Variants in MYL4 observed in about 807,000 individuals in gnomAD.
The protein encoded by MYL4 is myosin light chain 4.
A neutral mutation model predicts 21.6 loss-of-function variants in MYL4; 16 were observed. That is an observed-to-expected ratio of 0.74 (90% CI 0.50 to 1.12). The LOEUF is 1.12. Among genes scored for constraint, MYL4 ranks in the 50% most tolerant of loss-of-function variants. MYL4 has a pLI of 0.00. For synonymous variants in MYL4, 82 were observed against 95.7 expected (o/e 0.86, Z 0.83); for missense variants, 249 against 252.9 (o/e 0.98, Z 0.11).
upstream of MYL4, among the ~76,000 whole-genome samples, chr17:47,198,261 T>G (rs1364199423): frequency 6.6e-6 from 1 of 152,178 alleles, no homozygotes; most frequent in Non-Finnish European, 1.5e-5. Context: ...TCTTATCCAA[T>G]TCCTTGACCT....
chr17:47,189,464 C>G, the MYL4 span: 2 of 510,332 alleles, frequency 3.9e-6, no homozygotes. Flanking sequence ...CCGAGTCTGA[C>G]CCAAAGCGTA....
In MYL4 at chr17:47,221,760, C is replaced by T. The variant is rs2149048719; in HGVS notation, c.392C>T (p.Thr131Ile). 3.7e-6 allele frequency: 6 copies of T among 1,614,158 alleles called. No homozygotes were observed. Among genetic ancestry groups the T allele is most frequent in the Non-Finnish European group, 5.1e-6 (6 of 1,180,030 alleles). ...ATTTCCCGCAACAAGGAGCAGGGCACCTATGAGGACTTCGTGGAGGGCCTG... is the reference window on the plus strand; with the variant it reads ...ATTTCCCGCAACAAGGAGCAGGGCATCTATGAGGACTTCGTGGAGGGCCTG... ...QHISRNKEQGTYEDFVEGLRV... is the reference protein window; with the variant it reads ...QHISRNKEQGIYEDFVEGLRV... Residue 131 changes from threonine to isoleucine, a missense_variant, in exon 4 of 7, where the codon ACC becomes ATC. Coordinates refer to ENST00000393450, the MANE Select transcript of MYL4 (RefSeq NM_002476.2).
chr17:47,209,376 G>A lies in MYL4; in HGVS notation c.-47G>A, dbSNP rs369748183. On this transcript the variant is annotated 5_prime_UTR_variant, in exon 1 of 7. Coordinates refer to ENST00000393450, the MANE Select transcript of MYL4 (RefSeq NM_002476.2). ...TCATCTCCCAGACGCCACGTCTCTC[G>A]GTTTCTTCTTAGATCACTCCTCTGC... is the stretch of plus-strand genomic sequence containing the variant. The A allele has an allele frequency of 3.2e-5, 51 of 1,613,512 alleles. No homozygotes were observed. Among genetic ancestry groups the A allele is most frequent in the African/African-American group, 2.5e-4 (19 of 74,924 alleles).
the MYL4 span, among the ~76,000 whole-genome samples, chr17:47,194,010 A>G: frequency 6.6e-6 from 1 of 152,214 alleles, no homozygotes; most frequent in African/African-American, 2.4e-5. Flanking sequence ...TTGGCCTCCC[A>G]AAGTGCTGGG....
intron 6 of MYL4, 197 bp from the exon 7 acceptor site, chr17:47,223,312 C>T: frequency 2.1e-6 from 1 of 486,718 alleles, no homozygotes; most frequent in Non-Finnish European, 3.6e-6. Flanking sequence ...GCCCTTCCCT[C>T]AGGCCTGGGG....
chr17:47,191,000 T>G, the MYL4 span, among the ~76,000 whole-genome samples: 31 of 152,340 alleles, frequency 2.0e-4, no homozygotes, highest in Non-Finnish European at 3.5e-4. Context: ...CTTCATTTCT[T>G]CTCTGCATGA....
In MYL4 at chr17:47,223,002, C is replaced by T; in HGVS notation, c.566-12C>T. On this transcript the variant is annotated splice_polypyrimidine_tract_variant and intron_variant, in intron 5 of 6. Coordinates refer to ENST00000393450, the MANE Select transcript of MYL4 (RefSeq NM_002476.2). The stretch of plus-strand genomic sequence containing the variant: ...TGAGCCACATGGTGGCTGATTTTCA[C>T]TTTTTTCCTAGCCTTTGTCAAGCAC... 1.2e-6 allele frequency: 2 copies of T among 1,614,110 alleles called. No homozygotes were observed. The highest frequency in any genetic ancestry group is 1.7e-6 in the Non-Finnish European group (2 of 1,179,992).
In MYL4 at chr17:47,219,913, A is replaced by G; in HGVS notation, c.173A>G (p.Glu58Gly). The part of the protein sequence containing the change: ...FTADQIEEFK[E>G]AFSLFDRTPT... ...GGTCTTCTCTCCACAGAGTTCAAAGAGGCCTTTTCATTGTTTGACCGGACC... is the reference window on the plus strand; with the variant it reads ...GGTCTTCTCTCCACAGAGTTCAAAGGGGCCTTTTCATTGTTTGACCGGACC... The change falls in exon 3 of 7, where the codon GAG becomes GGG. Residue 58 changes from glutamate to glycine, a missense_variant. Glu to Gly is a moderately conservative substitution (Grantham distance 98, BLOSUM62 -2). Transcript: ENST00000393450. 6.2e-7 allele frequency: 1 copy of G among 1,614,218 alleles called. No homozygotes were observed. Among genetic ancestry groups the G allele is most frequent in the South Asian group, 1.1e-5 (1 of 91,086 alleles).
chr17:47,214,247 C>T (rs1012876282), intron 2 of MYL4, among the ~76,000 whole-genome samples: 1 of 152,096 alleles, frequency 6.6e-6, no homozygotes, highest in Middle Eastern at 3.2e-3. Flanking sequence ...TTTTTCTTGG[C>T]CCCAAAGATC....
chr17:47,193,336 C>T, the MYL4 span, among the ~76,000 whole-genome samples: 1 of 152,074 alleles, frequency 6.6e-6, no homozygotes, highest in Admixed American at 6.6e-5. Context: ...GGCGCTATCT[C>T]GGCTCACTGC....
chr17:47,198,878 T>C (rs2064699067), upstream of MYL4, among the ~76,000 whole-genome samples: 1 of 152,026 alleles, frequency 6.6e-6, no homozygotes, highest in Non-Finnish European at 1.5e-5. Context: ...CTTAGCTACT[T>C]GGGAGGCTGA....
chr17:47,216,699 C>T (rs1964761), intron 2 of MYL4, among the ~76,000 whole-genome samples: 96,888 of 145,510 alleles, frequency 0.67, 32,369 homozygotes, highest in East Asian at 0.86. Context: ...CTTTTTCTTT[C>T]TTTTTTTTTT....
intron 2 of MYL4, among the ~76,000 whole-genome samples, chr17:47,218,097 A>T (rs2064828936): frequency 6.6e-6 from 1 of 152,078 alleles, no homozygotes; most frequent in African/African-American, 2.4e-5. Flanking sequence ...TGTAGGTACC[A>T]TTTATAGAAG....
Position 47,222,392 on chromosome 17 carries a change from CTG to C in MYL4, c.501_502del (p.Glu168GlyfsTer2). ...AAACCCACCGCAGGAGAGAAGATGA[CTG>C]AGGCTGAAGTGGAGCAGCTGTTAGC... is the stretch of plus-strand genomic sequence containing the variant. On this transcript the variant is annotated frameshift_variant, in exon 5 of 7. Coordinates refer to ENST00000393450, the MANE Select transcript of MYL4 (RefSeq NM_002476.2). LOFTEE classifies it high-confidence loss of function. The C allele has an allele frequency of 6.2e-7, 1 of 1,614,162 alleles. No homozygotes were observed. The highest frequency in any genetic ancestry group is 8.5e-7 in the Non-Finnish European group (1 of 1,180,022).
At chr17:47,206,161 A>C (rs2064727456), upstream of MYL4, among the ~76,000 whole-genome samples, 1 of 152,186 alleles carries the variant, frequency 6.6e-6, no homozygotes, top group Admixed American at 6.5e-5. Flanking sequence ...GAAAGTGGCA[A>C]AACCAGGCTT....
At chr17:47,194,703 C>T in the MYL4 span, among the ~76,000 whole-genome samples, 5 of 152,040 alleles carry the variant, frequency 3.3e-5, no homozygotes, top group Admixed American at 6.6e-5. Context: ...TAGTAGCTGC[C>T]TCTTTATTCA....
chr17:47,209,246 T>G (rs2149040553), upstream of MYL4: 186 of 778,736 alleles, frequency 2.4e-4, no homozygotes, highest in Middle Eastern at 8.1e-4. Context: ...CTGCTGGCGT[T>G]TCTTCCTTTT....
intron 2 of MYL4, among the ~76,000 whole-genome samples, chr17:47,216,454 A>G (rs1301279619): frequency 6.6e-6 from 1 of 151,788 alleles, no homozygotes; most frequent in Non-Finnish European, 1.5e-5. Context: ...CTTCCTCCCC[A>G]TCATTTCCTT....
upstream of MYL4, among the ~76,000 whole-genome samples, chr17:47,208,302 T>C (rs1052449960): frequency 2.0e-5 from 3 of 152,004 alleles, no homozygotes; most frequent in Non-Finnish European, 4.4e-5. Flanking sequence ...AGTGTGCTGG[T>C]GTGCACCTGT....
Sources: allele counts gnomAD v4.1 joint callset (sites outside exome capture counted in the v4.1 genomes callset), GRCh38; gene constraint gnomAD v4.1.1; transcripts MANE v1.5; gene names NCBI Gene and HGNC (gene_info 2026-07-23, HGNC 2026-07-21).